CTSA: variants seen among roughly 807,000 people sequenced by gnomAD.
CTSA encodes cathepsin A.
CTSA carries 42 observed loss-of-function variants against 66.7 expected under a neutral mutation model. That is an observed-to-expected ratio of 0.63 (90% CI 0.49 to 0.81). CTSA has a LOEUF of 0.81. CTSA is among the 40% of genes least tolerant of loss of function. The pLI is 0.00. For synonymous variants in CTSA, 225 were observed against 248.6 expected (o/e 0.91, Z 0.89); for missense variants, 525 against 610.9 (o/e 0.86, Z 1.48).
At chr20:45,893,133 C>G in intron 6 of CTSA, 87 bp from the exon 7 acceptor site, 3 of 1,245,458 alleles carry the variant, frequency 2.4e-6, no homozygotes, top group Non-Finnish European at 1.2e-6. Flanking sequence ...TTTCAGCTTC[C>G]GGATTGCTGA....
At position 45,894,670 on chromosome 20, in the gene CTSA, C is replaced by T. The variant is rs755757216; in HGVS notation, c.798C>T (p.Ile266=). 1.1e-5 allele frequency: 17 copies of T among 1,613,922 alleles called. No homozygotes were observed. Among genetic ancestry groups the T allele is most frequent in the East Asian group, 2.2e-5 (1 of 44,896 alleles). ...CVTNLQEVAR[I]VGNSGLNIYN... ...TGCAGCTTCAGGAAGTGGCCCGCAT[C>T]GTGGGCAACTCTGGCCTCAACATCT... is the stretch of plus-strand genomic sequence containing the variant. Residue 266 remains isoleucine, a synonymous_variant, in exon 9 of 15, where the codon ATC becomes ATT. Transcript: ENST00000646241.
At chr20:45,895,281 G>T in intron 11 of CTSA, 148 bp downstream of exon 11, 1 of 886,034 alleles carries the variant, frequency 1.1e-6, no homozygotes, top group Non-Finnish European at 1.8e-6. Flanking sequence ...CCCCTCAGTG[G>T]ATTGAGAGTC....
intron 11 of CTSA, 192 bp from the exon 12 acceptor site, chr20:45,896,773 G>A: frequency 1.6e-6 from 1 of 638,164 alleles, no homozygotes; most frequent in Middle Eastern, 3.9e-4. Flanking sequence ...AGTTGAGGCT[G>A]TCTGAATCCC....
In CTSA at chr20:45,895,036, T is replaced by C. The variant is rs762546792; in HGVS notation, c.991T>C (p.Cys331Arg). 1 of 1,614,124 alleles carries C rather than the reference T, an allele frequency of 6.2e-7. No homozygotes were observed. The highest frequency in any genetic ancestry group is 1.7e-5 in the Admixed American group (1 of 59,994). The change falls in exon 11 of 15, where the codon TGC becomes CGC. Residue 331 changes from cysteine (C) to arginine (R), a missense_variant. Physicochemically the swap from Cys to Arg is radical, Grantham distance 180. Around this residue, in one of 3 missense-constraint regions of CTSA, gnomAD observed 274 missense variants for 321.1 expected, o/e 0.85. Coordinates refer to ENST00000646241, the MANE Select transcript of CTSA (RefSeq NM_000308.4). ...GGATAAAGTGCGCATGGACCCCCCC[T>C]GCACCAACACAACAGCTGCTTCCAC... is the stretch of plus-strand genomic sequence containing the variant. The part of the protein sequence containing the change: ...SGDKVRMDPP[C>R]TNTTAASTYL...
rs1322028438 is a variant in CTSA at position 45,892,467 on chromosome 20, G to A, written c.427G>A (p.Ala143Thr). 3.1e-6 allele frequency: 5 copies of A among 1,614,044 alleles called. No individual in the cohort carries two copies. In the African/African-American group the frequency reaches 4.0e-5, roughly 13 times the overall value. The change falls in exon 5 of 15, where the codon GCA (alanine) becomes ACA (threonine). Residue 143 changes from alanine to threonine, a missense_variant. By Grantham distance (58) the Ala-to-Thr change is moderately conservative. This residue lies in a region of CTSA where 246 missense variants were observed against 267.4 expected (regional missense o/e 0.92). Coordinates refer to ENST00000646241, the MANE Select transcript of CTSA (RefSeq NM_000308.4). ...GFSYSDDKFY[A>T]TNDTEVAQSN... Reference sequence around the variant, plus strand: ...CTCCTACTCCGATGACAAGTTTTATGCAACTAATGACACTGAGGTGAGTCT... The same window carrying A: ...CTCCTACTCCGATGACAAGTTTTATACAACTAATGACACTGAGGTGAGTCT...
At chr20:45,894,945 G>A (rs373291356) in intron 10 of CTSA, 44 bp downstream of exon 10, 1 of 1,612,408 alleles carries the variant, frequency 6.2e-7, no homozygotes, top group Non-Finnish European at 8.5e-7. Flanking sequence ...TGGGGGCAGG[G>A]GGAGGGGCAG....
chr20:45,893,388 A>T, intron 7 of CTSA, 77 bp downstream of exon 7: 4 of 1,103,952 alleles, frequency 3.6e-6, no homozygotes, highest in Non-Finnish European at 5.6e-6. Flanking sequence ...CAGGCACATG[A>T]TATGACAGGC....
intron 8 of CTSA, 140 bp downstream of exon 8, chr20:45,894,212 C>T: frequency 1.4e-6 from 1 of 734,604 alleles, no homozygotes; most frequent in East Asian, 2.6e-5. Context: ...TTCTCTGGGA[C>T]ATGTGTCTAA....
Position 45,892,796 on chromosome 20 carries a change from T to C in CTSA, c.516T>C (p.Leu172=). The part of the protein sequence containing the change: ...RLFPEYKNNK[L]FLTGESYAGI... ...TTCCGGAGTACAAGAACAACAAACT[T>C]TTCCTGACCGGGGAGAGCTATGCTG... Residue 172 remains leucine (L), a synonymous_variant, in exon 6 of 15, where the codon CTT becomes CTC. Coordinates refer to ENST00000646241, the MANE Select transcript of CTSA (RefSeq NM_000308.4). 1.9e-6 allele frequency: 3 copies of C among 1,614,124 alleles called. No homozygotes were observed. Among genetic ancestry groups the C allele is most frequent in the Non-Finnish European group, 1.7e-6 (2 of 1,179,990 alleles).
intron 12 of CTSA, 69 bp from the exon 13 acceptor site, chr20:45,897,648 C>G: frequency 1.1e-6 from 1 of 950,264 alleles, no homozygotes; most frequent in Non-Finnish European, 1.7e-6. Context: ...AGGGGTAGGC[C>G]TTGAACTAGG....
In CTSA at chr20:45,898,338, G is replaced by A. The variant is rs1433291145; in HGVS notation, c.1360-29G>A. On this transcript the variant is annotated intron_variant, in intron 14 of 14. Transcript: ENST00000646241. This position sits in a 1 kb window ranked among gnomAD's most constrained non-coding sequence, Gnocchi z 4.6. ...TATATGGGGAGGAGGGAATGGTGGGGTCAGGAGCTCACGAACATTGCTCCT... is the reference window on the plus strand; with the variant it reads ...TATATGGGGAGGAGGGAATGGTGGGATCAGGAGCTCACGAACATTGCTCCT... The A allele has an allele frequency of 8.8e-6, 14 of 1,592,030 alleles. No homozygotes were observed. The highest frequency in any genetic ancestry group is 1.2e-5 in the Non-Finnish European group (14 of 1,161,598).
chr20:45,897,043 G>C lies in CTSA; in HGVS notation c.1164+3G>C. 6.2e-7 allele frequency: 1 copy of C among 1,610,376 alleles called. No individual in the cohort carries two copies. Among genetic ancestry groups the C allele is most frequent in the East Asian group, 2.2e-5 (1 of 44,878 alleles). The stretch of plus-strand genomic sequence containing the variant: ...ATCTGAAGCTGCTTAGCTCACAGGT[G>C]AGTGGGGAGAGCACAGCTGGATCAC... On this transcript the variant is annotated splice_donor_region_variant and intron_variant, in intron 12 of 14. Transcript: ENST00000646241.
Position 45,891,635 on chromosome 20 carries a change from G to C in CTSA, c.67G>C (p.Ala23Pro). ...LLLLLLLVSW[A>P]SRGEAAPDQD... is the part of the protein sequence containing the mutation. Reference sequence around the variant, plus strand: ...GCTGCTGCTGCTGCTAGTGTCCTGGGCGTCCCGAGGCGAGGCAGCCCCCGA... The same window carrying C: ...GCTGCTGCTGCTGCTAGTGTCCTGGCCGTCCCGAGGCGAGGCAGCCCCCGA... The change falls in exon 2 of 15, where the codon GCG (alanine) becomes CCG (proline). Residue 23 changes from alanine (A) to proline (P), a missense_variant. Transcript: ENST00000646241. The surrounding 1 kb of genome is among the most constrained non-coding windows in gnomAD (Gnocchi z 4.6). The C allele has an allele frequency of 6.2e-7, 1 of 1,611,730 alleles. No individual in the cohort carries two copies. Among genetic ancestry groups the C allele is most frequent in the East Asian group, 2.2e-5 (1 of 44,838 alleles).
In CTSA at chr20:45,891,484, C is replaced by T. The variant is rs1986901156; in HGVS notation, c.1-85C>T. On this transcript the variant is annotated intron_variant, in intron 1 of 14. Coordinates refer to ENST00000646241, the MANE Select transcript of CTSA (RefSeq NM_000308.4). The surrounding 1 kb of genome is among the most constrained non-coding windows in gnomAD (Gnocchi z 4.6). Reference sequence around the variant, plus strand: ...GGCGCTGGGGCCGGGGCTTCCCTCGCGGAGGCGCCGCCAGCAACTCCCCGG... The same window carrying T: ...GGCGCTGGGGCCGGGGCTTCCCTCGTGGAGGCGCCGCCAGCAACTCCCCGG... The T allele has an allele frequency of 6.5e-7, 1 of 1,547,250 alleles. No individual in the cohort carries two copies. Among genetic ancestry groups the T allele is most frequent in the Non-Finnish European group, 8.7e-7 (1 of 1,146,478 alleles).
intron 11 of CTSA, 140 bp from the exon 12 acceptor site, chr20:45,896,825 G>GC (rs11468785): frequency 8.8e-4 from 653 of 740,496 alleles, no homozygotes; most frequent in Non-Finnish European, 1.0e-3. Context: ...TAGAGAGGTG[G>GC]CCCCCCCCCA....
Position 45,897,035 on chromosome 20 carries a change from T to C in CTSA, c.1159T>C (p.Ser387Pro). The change falls in exon 12 of 15, where the codon TCA (serine) becomes CCA (proline). Residue 387 changes from serine (S) to proline (P), a missense_variant. Coordinates refer to ENST00000646241, the MANE Select transcript of CTSA (RefSeq NM_000308.4). ...CTCCCAGTATCTGAAGCTGCTTAGC[T>C]CACAGGTGAGTGGGGAGAGCACAGC... is the stretch of plus-strand genomic sequence containing the variant. ...MNSQYLKLLSSQKYQILLYNG... is the reference protein window; with the variant it reads ...MNSQYLKLLSPQKYQILLYNG... The C allele has an allele frequency of 6.2e-7, 1 of 1,612,984 alleles. No individual in the cohort carries two copies. Among genetic ancestry groups the C allele is most frequent in the Non-Finnish European group, 8.5e-7 (1 of 1,179,148 alleles).
At position 45,897,361 on chromosome 20, in the gene CTSA, C is replaced by T. The variant is rs58401582; in HGVS notation, c.1164+321C>T. ...CACAAGGTGATATAGGAAGCACTGG[C>T]AGGGCCAAGTTAGGACTAGGTTCTG... On this transcript the variant is annotated intron_variant, in intron 12 of 14. Coordinates refer to ENST00000646241, the MANE Select transcript of CTSA (RefSeq NM_000308.4). The T allele has an allele frequency of 4.4e-3, 2,226 of 503,318 alleles. 47 individuals are homozygous for T. Among genetic ancestry groups the T allele is most frequent in the African/African-American group, 0.039 (2,020 of 51,824 alleles). 31.2% of individuals were successfully genotyped at this position (503,318 alleles called of 1,614,324 possible).
chr20:45,898,071 G>A lies in CTSA; in HGVS notation c.1321G>A (p.Val441Met), dbSNP rs766599837. The A allele has an allele frequency of 6.8e-6, 11 of 1,614,072 alleles. No homozygotes were observed. Among genetic ancestry groups the A allele is most frequent in the South Asian group, 3.3e-5 (3 of 91,082 alleles). Reference protein sequence around the residue: ...GDSGEQIAGFVKEFSHIAFLT... With the variant: ...GDSGEQIAGFMKEFSHIAFLT... ...CAGCGGGGAGCAGATTGCCGGCTTC[G>A]TGAAGGAGTTCTCCCACATCGCCTT... is the stretch of plus-strand genomic sequence containing the variant. Residue 441 changes from valine (V) to methionine (M), a missense_variant, in exon 14 of 15, where the codon GTG becomes ATG. Physicochemically the swap from Val to Met is conservative, Grantham distance 21. Coordinates refer to ENST00000646241, the MANE Select transcript of CTSA (RefSeq NM_000308.4). The surrounding 1 kb of genome is among the most constrained non-coding windows in gnomAD (Gnocchi z 4.6).
intron 6 of CTSA, 25 bp from the exon 7 acceptor site, chr20:45,893,195 G>A (rs1256050900): frequency 1.4e-5 from 22 of 1,599,424 alleles, no homozygotes; most frequent in Non-Finnish European, 1.9e-5. Context: ...CTCCACATGA[G>A]CTGAGCACCC....
Sources: allele counts gnomAD v4.1 joint callset, GRCh38; gene constraint gnomAD v4.1.1; regional missense constraint gnomAD v4.1.1; non-coding constraint Gnocchi (gnomAD v3.1); transcripts MANE v1.5; gene names NCBI Gene and HGNC (gene_info 2026-07-23, HGNC 2026-07-21).